CFAP54: variants seen among roughly 807,000 people sequenced by gnomAD.
CFAP54 encodes the protein cilia and flagella associated protein 54.
In CFAP54, 290 loss-of-function variants were observed where a neutral mutation model predicts 370.4. That is an observed-to-expected ratio of 0.78 (90% confidence interval 0.71 to 0.86). The LOEUF (loss-of-function observed/expected upper bound fraction) is 0.86. Ranked by LOEUF, CFAP54 falls within the 40% of genes least tolerant of loss-of-function variation. CFAP54 has a pLI of 0.00. For missense variants in CFAP54, 3,399 were observed against 3,528.7 expected (o/e 0.96, Z 0.93); for synonymous variants, 1,206 against 1,236.5 (o/e 0.98, Z 0.52).
intron 40 of CFAP54, among the ~76,000 whole-genome samples, chr12:96,683,692 C>T (rs1296611368): frequency 1.3e-5 from 2 of 152,128 alleles, no homozygotes; most frequent in African/African-American, 2.4e-5. Context: ...CTCTAGAGAA[C>T]AGCATTGTCC....
chr12:96,564,003 C>T (rs1182848385), intron 17 of CFAP54, among the ~76,000 whole-genome samples: 1 of 152,204 alleles, frequency 6.6e-6, no homozygotes, highest in Non-Finnish European at 1.5e-5. Context: ...GCTCTGATTT[C>T]ATCAGCCACA....
chr12:96,744,347 G>T (rs1474431063), intron 55 of CFAP54, among the ~76,000 whole-genome samples: 2 of 152,140 alleles, frequency 1.3e-5, no homozygotes, highest in African/African-American at 2.4e-5. Context: ...TATGAATAAA[G>T]TATGTGGTTG....
chr12:96,687,385 C>T (rs914650927), intron 42 of CFAP54, among the ~76,000 whole-genome samples: 3 of 152,164 alleles, frequency 2.0e-5, no homozygotes, highest in African/African-American at 4.8e-5. Context: ...GAATGGCTTA[C>T]GCATAGCTAG....
At chr12:96,616,673 A>G (rs1333692487) in intron 26 of CFAP54, among the ~76,000 whole-genome samples, 1 of 152,228 alleles carries the variant, frequency 6.6e-6, no homozygotes, top group Non-Finnish European at 1.5e-5. Flanking sequence ...AATCAGTTAG[A>G]AAATATGGAA....
chr12:96,515,007 GTTCTTT>G (rs930389358), intron 5 of CFAP54, among the ~76,000 whole-genome samples: 1 of 147,354 alleles, frequency 6.8e-6, no homozygotes, highest in Non-Finnish European at 1.5e-5. Flanking sequence ...AATGAGTATA[GTTCTTT>G]TTTTTTTTTT....
chr12:96,814,199 A>G (rs1958954389), intron 64 of CFAP54, among the ~76,000 whole-genome samples: 1 of 152,264 alleles, frequency 6.6e-6, no homozygotes, highest in African/African-American at 2.4e-5. Flanking sequence ...AAGCTATGCT[A>G]TTTGTGGAAG....
intron 40 of CFAP54, among the ~76,000 whole-genome samples, chr12:96,683,063 A>G (rs868444101): frequency 6.6e-6 from 1 of 152,192 alleles, no homozygotes; most frequent in Non-Finnish European, 1.5e-5. Context: ...CAGACATTTT[A>G]TGATGCCCCT....
intron 26 of CFAP54, among the ~76,000 whole-genome samples, chr12:96,611,582 C>T (rs1199796022): frequency 6.6e-6 from 1 of 151,882 alleles, no homozygotes; most frequent in Non-Finnish European, 1.5e-5. Context: ...GATGATCAAA[C>T]TTCTCCAAGC....
In CFAP54 at chr12:96,503,866, A is replaced by C; in HGVS notation, c.424-20A>C. 6.8e-7 allele frequency: 1 copy of C among 1,466,124 alleles called. No individual in the cohort carries two copies. Among genetic ancestry groups the C allele is most frequent in the Non-Finnish European group, 9.0e-7 (1 of 1,116,962 alleles). 90.8% of individuals were successfully genotyped at this position (1,466,124 alleles called of 1,614,324 possible). On this transcript the variant is annotated intron_variant, in intron 2 of 67. Transcript: ENST00000524981. ...TAAATGATATTTTGGAACTTTAATC[A>C]AGTACTCCTTTTGTTTCAGGAATAC...
At chr12:96,737,477 TTA>T (rs1194481557) in intron 50 of CFAP54, among the ~76,000 whole-genome samples, 2 of 146,556 alleles carry the variant, frequency 1.4e-5, no homozygotes, top group East Asian at 2.0e-4. Flanking sequence ...ATATTATATT[TTA>T]TATATATATA....
At chr12:96,593,393 A>G (rs116617727) in intron 24 of CFAP54, among the ~76,000 whole-genome samples, 2,462 of 152,174 alleles carry the variant, frequency 0.016, 37 homozygotes, top group African/African-American at 0.036. Flanking sequence ...TAATTAATTA[A>G]CCAAGACCTT....
intron 65 of CFAP54, among the ~76,000 whole-genome samples, chr12:96,822,950 A>C (rs1028713725): frequency 2.0e-5 from 3 of 152,132 alleles, no homozygotes; most frequent in Admixed American, 2.0e-4. Flanking sequence ...ATGTTGTTCA[A>C]CTTAGTACCT....
chr12:96,789,520 A>C (rs936192633), intron 62 of CFAP54, among the ~76,000 whole-genome samples: 10 of 152,192 alleles, frequency 6.6e-5, no homozygotes, highest in African/African-American at 2.4e-4. Context: ...CAATAGTTTC[A>C]ACTGATCTAT....
intron 63 of CFAP54, among the ~76,000 whole-genome samples, chr12:96,804,487 C>T (rs563220438): frequency 3.9e-5 from 6 of 152,008 alleles, no homozygotes; most frequent in South Asian, 2.1e-4. Context: ...ATGATCTAAC[C>T]GAGGACCAAA....
At chr12:96,753,316 A>G (rs1369713505) in intron 55 of CFAP54, among the ~76,000 whole-genome samples, 2 of 152,248 alleles carry the variant, frequency 1.3e-5, no homozygotes, top group African/African-American at 4.8e-5. Flanking sequence ...ACACAAAGCA[A>G]GTAACCACTA....
At chr12:96,684,565 T>G in intron 40 of CFAP54, 83 bp from the exon 41 acceptor site, 1 of 1,089,328 alleles carries the variant, frequency 9.2e-7, no homozygotes, top group East Asian at 2.4e-5. Context: ...TAAGGAATAG[T>G]GCAGTTTAAA....
chr12:96,792,617 A>G, intron 63 of CFAP54, 118 bp downstream of exon 63: 1 of 687,932 alleles, frequency 1.5e-6, no homozygotes, highest in South Asian at 3.1e-5. Context: ...AGGTATCAAT[A>G]TATAATCTAC....
At chr12:96,528,353 A>G (rs183020438) in intron 9 of CFAP54, among the ~76,000 whole-genome samples, 1,777 of 152,168 alleles carry the variant, frequency 0.012, 124 homozygotes, top group Admixed American at 0.11. Flanking sequence ...AATGTGGTTG[A>G]TTTTATGGAT....
At chr12:96,689,656 A>T (rs551476148) in intron 43 of CFAP54, among the ~76,000 whole-genome samples, 1 of 152,286 alleles carries the variant, frequency 6.6e-6, no homozygotes, top group Non-Finnish European at 1.5e-5. Flanking sequence ...ATGATATAAA[A>T]TCTATCTTAT....
Sources: allele counts gnomAD v4.1 joint callset (sites outside exome capture counted in the v4.1 genomes callset), GRCh38; gene constraint gnomAD v4.1.1; transcripts MANE v1.5; gene names NCBI Gene and HGNC (gene_info 2026-07-23, HGNC 2026-07-21).